Variants in MIPOL1 observed in about 807,000 individuals in gnomAD.
MIPOL1 encodes mirror-image polydactyly 1.
A neutral mutation model predicts 60.9 loss-of-function variants in MIPOL1; 57 were observed. The observed-to-expected ratio is 0.94, with a 90% confidence interval of 0.76 to 1.17. The LOEUF (loss-of-function observed/expected upper bound fraction) is 1.17, where lower values mean the gene tolerates loss of function less well. Ranked by LOEUF, MIPOL1 falls within the 50% of genes most tolerant of loss-of-function variation. MIPOL1 has a pLI of 0.00. For missense variants in MIPOL1, 551 were observed against 511.6 expected (o/e 1.08, Z -0.74); for synonymous variants, 179 against 168.8 (o/e 1.06, Z -0.47).
intron 11 of MIPOL1, among the ~76,000 whole-genome samples, chr14:37,432,556 C>A (rs2094090991): frequency 6.6e-6 from 1 of 151,776 alleles, no homozygotes; most frequent in South Asian, 2.1e-4. Context: ...GGATGTGGGT[C>A]AAAATGGTGT....
At chr14:37,294,086 G>A (rs1257877044) in intron 7 of MIPOL1, among the ~76,000 whole-genome samples, 1 of 152,140 alleles carries the variant, frequency 6.6e-6, no homozygotes, top group Admixed American at 6.5e-5. Flanking sequence ...CACCTCACAC[G>A]GCCGGGAACT....
chr14:37,367,026 T>A (rs1247020723), intron 9 of MIPOL1, among the ~76,000 whole-genome samples: 2 of 151,980 alleles, frequency 1.3e-5, no homozygotes, highest in South Asian at 2.1e-4. Context: ...AATATAAACA[T>A]TTTGACAAAT....
chr14:37,337,352 ATATATTTTTTTTTTTTTTT>A (rs1299264508), intron 9 of MIPOL1, among the ~76,000 whole-genome samples: 1 of 35,450 alleles, frequency 2.8e-5, no homozygotes, highest in African/African-American at 1.5e-4. Flanking sequence ...ATATATATAT[ATATATTTTTTTTTTTTTTT>A]TTTTTTTTTT....
At chr14:37,273,492 C>A (rs1267048722) in intron 6 of MIPOL1, among the ~76,000 whole-genome samples, 6 of 150,910 alleles carry the variant, frequency 4.0e-5, no homozygotes, top group Admixed American at 2.6e-4. Context: ...TTACCCACAC[C>A]CTTTTTTTAG....
chr14:37,376,430 T>G (rs1208139473), intron 10 of MIPOL1, among the ~76,000 whole-genome samples: 2 of 152,188 alleles, frequency 1.3e-5, no homozygotes, highest in Non-Finnish European at 2.9e-5. Flanking sequence ...CCTTTTCATA[T>G]TGGCTTCTAT....
intron 9 of MIPOL1, among the ~76,000 whole-genome samples, chr14:37,362,323 A>C (rs2092300400): frequency 1.3e-5 from 2 of 152,112 alleles, no homozygotes; most frequent in Admixed American, 1.3e-4. Flanking sequence ...AAAATCTCTC[A>C]GCATTTGGTT....
chr14:37,352,954 T>A, intron 9 of MIPOL1, among the ~76,000 whole-genome samples: 2 of 141,658 alleles, frequency 1.4e-5, no homozygotes, highest in Non-Finnish European at 1.5e-5. Context: ...TGAATAGGAG[T>A]AGTGAGAGAG....
At chr14:37,469,766 C>A (rs138214550) in intron 11 of MIPOL1, among the ~76,000 whole-genome samples, 1 of 152,150 alleles carries the variant, frequency 6.6e-6, no homozygotes, top group Non-Finnish European at 1.5e-5. Context: ...CAGTGCACTC[C>A]TAAAAAAAAG....
chr14:37,219,779 T>C (rs1968431515), intron 1 of MIPOL1: 3 of 152,240 alleles, frequency 2.0e-5, no homozygotes, highest in Admixed American at 1.3e-4. Flanking sequence ...ACTATAATTA[T>C]GGATTTGTCT....
At chr14:37,252,241 T>C (rs1230080809) in intron 3 of MIPOL1, among the ~76,000 whole-genome samples, 1 of 151,840 alleles carries the variant, frequency 6.6e-6, no homozygotes, top group Non-Finnish European at 1.5e-5. Flanking sequence ...ATAGATTACA[T>C]ATTTTTAATT....
chr14:37,539,392 G>T (rs1037930601), intron 12 of MIPOL1, among the ~76,000 whole-genome samples: 1 of 152,098 alleles, frequency 6.6e-6, no homozygotes, highest in Non-Finnish European at 1.5e-5. Context: ...GGTATTAGTG[G>T]GTGAGCCTTT....
intron 10 of MIPOL1, among the ~76,000 whole-genome samples, chr14:37,418,306 T>G (rs2093807930): frequency 6.6e-6 from 1 of 152,180 alleles, no homozygotes; most frequent in South Asian, 2.1e-4. Flanking sequence ...CATTCTGAGT[T>G]ACTAGATTAA....
intron 10 of MIPOL1, among the ~76,000 whole-genome samples, chr14:37,373,582 T>C (rs1353549415): frequency 6.6e-6 from 1 of 151,608 alleles, no homozygotes; most frequent in Non-Finnish European, 1.5e-5. Flanking sequence ...GTCCCCTCCC[T>C]GTGTCCATAT....
At chr14:37,499,216 G>A (rs1019373791) in intron 11 of MIPOL1, among the ~76,000 whole-genome samples, 1 of 151,968 alleles carries the variant, frequency 6.6e-6, no homozygotes, top group Non-Finnish European at 1.5e-5. Context: ...TTGACCTTTA[G>A]CATTTTAGGA....
intron 6 of MIPOL1, among the ~76,000 whole-genome samples, chr14:37,275,853 A>C (rs1393509261): frequency 1.3e-5 from 2 of 151,090 alleles, no homozygotes; most frequent in African/African-American, 2.4e-5. Context: ...GGAAGGTTGG[A>C]GCATGGAGAG....
chr14:37,315,075 G>A (rs1261587445), intron 9 of MIPOL1, among the ~76,000 whole-genome samples: 2 of 152,134 alleles, frequency 1.3e-5, no homozygotes, highest in East Asian at 1.9e-4. Context: ...TTAATGTATA[G>A]TGACAGCAGC....
At chr14:37,531,730 C>T (rs188281483) in intron 12 of MIPOL1, among the ~76,000 whole-genome samples, 6 of 152,240 alleles carry the variant, frequency 3.9e-5, no homozygotes, top group African/African-American at 1.4e-4. Flanking sequence ...TGTCAGGAGA[C>T]AGGTTTGTGG....
At chr14:37,254,713 T>C in intron 3 of MIPOL1, among the ~76,000 whole-genome samples, 1 of 151,842 alleles carries the variant, frequency 6.6e-6, no homozygotes, top group East Asian at 1.9e-4. Context: ...TACTAATTTA[T>C]AATGTTTTAA....
At chr14:37,546,621 G>A (rs954157511) in intron 12 of MIPOL1, among the ~76,000 whole-genome samples, 1 of 152,140 alleles carries the variant, frequency 6.6e-6, no homozygotes, top group East Asian at 1.9e-4. Flanking sequence ...CAACCTTAAT[G>A]CAAGTAGCTA....
Sources: gnomAD v4.1 joint callset for allele counts (sites outside exome capture counted in the v4.1 genomes callset) on GRCh38, gnomAD v4.1.1 for gene constraint, MANE v1.5 for transcripts, NCBI Gene and HGNC (gene_info 2026-07-23, HGNC 2026-07-21) for gene names.